The following ROBO1 variants were observed in gnomAD, a reference collection of about 807,000 sequenced individuals.
ROBO1 encodes roundabout homolog 1.
In ROBO1, 149 loss-of-function variants were observed where a neutral mutation model predicts 195.9. The ratio of observed to expected loss-of-function variants is 0.76; its 90% CI spans 0.67 to 0.87. ROBO1 has a LOEUF of 0.87. ROBO1 is among the 40% of genes least tolerant of loss of function. The pLI, the probability that ROBO1 is intolerant of heterozygous loss-of-function variation, is 0.00. For synonymous variants in ROBO1, 816 were observed against 733.2 expected, an observed-to-expected ratio of 1.11 and a Z score of -1.82; for missense variants, 1,933 against 2,068.3, an observed-to-expected ratio of 0.93 and a Z score of 1.27.
At chr3:79,606,489 G>T (rs1944489463) in intron 1 of ROBO1, among the ~76,000 whole-genome samples, 1 of 151,760 alleles carries the variant, frequency 6.6e-6, no homozygotes, top group African/African-American at 2.4e-5. Flanking sequence ...CCCTGCCCAG[G>T]CTGGACTCTG....
Position 78,606,734 on chromosome 3 carries a change from T to G in ROBO1, c.4743A>C (p.Gln1581His), listed in dbSNP as rs763500054. 16 of 1,613,298 alleles carry G rather than the reference T, an allele frequency of 9.9e-6. No homozygotes were observed. In the South Asian group the frequency reaches 1.8e-4, roughly 18 times the overall value. ...TTTGCTGCTTGATTGGATGAGTACC[T>G]TGGATGAGATGAGTCTTTGCTGGTG... is the stretch of plus-strand genomic sequence containing the variant. ...DLPPAKTHLI[Q>H]EDILPYCRPT... Residue 1581 changes from glutamine (Q) to histidine (H), a missense_variant and splice_region_variant, in exon 29 of 31, where the codon CAA becomes CAC. This residue lies in a region of ROBO1 where 1,737 missense variants were observed against 1,882.5 expected (regional missense o/e 0.92). Transcript: ENST00000464233.
At position 78,600,104 on chromosome 3, in the gene ROBO1, T is replaced by G; in HGVS notation, c.4941+9A>C. On this transcript the variant is annotated intron_variant, in intron 30 of 30. Transcript: ENST00000464233. Reference sequence around the variant, plus strand: ...AACATTGGTAAACTTGGGGAAAAATTATAGATACCTCTAATTCTTCATTAT... The same window carrying G: ...AACATTGGTAAACTTGGGGAAAAATGATAGATACCTCTAATTCTTCATTAT... 1 of 1,607,494 alleles carries G rather than the reference T, an allele frequency of 6.2e-7. No individual in the cohort carries two copies. The highest frequency in any genetic ancestry group is 8.5e-7 in the Non-Finnish European group (1 of 1,174,676).
intron 4 of ROBO1, among the ~76,000 whole-genome samples, chr3:78,899,685 A>T (rs562562275): frequency 2.6e-5 from 4 of 152,208 alleles, no homozygotes; most frequent in Non-Finnish European, 5.9e-5. Context: ...TTTAGATGGT[A>T]GGAAGAAGAA....
At chr3:79,006,025 C>T (rs2077611859) in intron 3 of ROBO1, among the ~76,000 whole-genome samples, 1 of 152,122 alleles carries the variant, frequency 6.6e-6, no homozygotes, top group African/African-American at 2.4e-5. Flanking sequence ...AATTCATATG[C>T]AACACAGTAG....
chr3:78,952,254 G>A (rs2040829929), intron 3 of ROBO1, among the ~76,000 whole-genome samples: 1 of 151,030 alleles, frequency 6.6e-6, no homozygotes, highest in Admixed American at 6.6e-5. Flanking sequence ...AAGCAGAAGA[G>A]GAACAAATTC....
At chr3:78,923,597 G>C (rs1332523993) in intron 4 of ROBO1, among the ~76,000 whole-genome samples, 1 of 152,084 alleles carries the variant, frequency 6.6e-6, no homozygotes, top group Non-Finnish European at 1.5e-5. Context: ...AGAAAGAAAT[G>C]ATGTGACTGG....
intron 2 of ROBO1, among the ~76,000 whole-genome samples, chr3:79,226,531 TTTTC>T (rs200148815): frequency 0.021 from 3,205 of 151,606 alleles, 91 homozygotes; most frequent in African/African-American, 0.069. Flanking sequence ...TTCATTTCAT[TTTTC>T]TTTCTTTCTT....
chr3:79,051,173 A>G (rs953338708), intron 3 of ROBO1, among the ~76,000 whole-genome samples: 1 of 152,180 alleles, frequency 6.6e-6, no homozygotes, highest in African/African-American at 2.4e-5. Context: ...AGACTAATAA[A>G]GAAGAAAAGA....
chr3:78,892,307 C>T (rs979655268), intron 4 of ROBO1, among the ~76,000 whole-genome samples: 2 of 152,166 alleles, frequency 1.3e-5, no homozygotes, highest in Admixed American at 6.5e-5. Context: ...AATTTTCCCA[C>T]CCCATCTGTG....
chr3:79,178,329 T>C (rs943761565), intron 2 of ROBO1, among the ~76,000 whole-genome samples: 1 of 152,248 alleles, frequency 6.6e-6, no homozygotes, highest in Non-Finnish European at 1.5e-5. Flanking sequence ...GAATTTATTC[T>C]GTAAAAGCCT....
chr3:78,836,044 C>T (rs975217629), intron 4 of ROBO1, among the ~76,000 whole-genome samples: 5 of 152,154 alleles, frequency 3.3e-5, no homozygotes, highest in Non-Finnish European at 7.4e-5. Context: ...TTGGACAATG[C>T]TGCCTAAATC....
At chr3:78,656,663 C>T (rs996152735) in intron 18 of ROBO1, among the ~76,000 whole-genome samples, 3 of 152,020 alleles carry the variant, frequency 2.0e-5, no homozygotes, top group African/African-American at 7.2e-5. Context: ...TTTGTTTGAT[C>T]TTAAATCCAA....
At chr3:79,664,576 C>A (rs1049998620) in intron 1 of ROBO1, among the ~76,000 whole-genome samples, 1 of 151,960 alleles carries the variant, frequency 6.6e-6, no homozygotes, top group African/African-American at 2.4e-5. Context: ...TTTTTCATAA[C>A]AAGGTAGCAT....
At chr3:79,288,037 T>G (rs911106889) in intron 2 of ROBO1, among the ~76,000 whole-genome samples, 2 of 152,140 alleles carry the variant, frequency 1.3e-5, no homozygotes, top group African/African-American at 4.8e-5. Context: ...TTCTTAAAGA[T>G]TCAGTTAACT....
chr3:79,354,623 A>G (rs2035472662), intron 2 of ROBO1, among the ~76,000 whole-genome samples: 1 of 152,154 alleles, frequency 6.6e-6, no homozygotes, highest in Non-Finnish European at 1.5e-5. Context: ...CAGGGCTCTC[A>G]GCACCACTGG....
chr3:79,261,491 A>G (rs568039322), intron 2 of ROBO1, among the ~76,000 whole-genome samples: 82 of 152,150 alleles, frequency 5.4e-4, no homozygotes, highest in East Asian at 2.1e-3. Context: ...TGTTGTATAT[A>G]TTCAGCATAA....
At chr3:79,031,699 T>C (rs1277611722) in intron 3 of ROBO1, among the ~76,000 whole-genome samples, 1 of 152,148 alleles carries the variant, frequency 6.6e-6, no homozygotes, top group African/African-American at 2.4e-5. Context: ...TGTAACGGAA[T>C]TAGCAATCAT....
At chr3:79,154,540 C>A (rs2080826656) in intron 2 of ROBO1, among the ~76,000 whole-genome samples, 2 of 151,656 alleles carry the variant, frequency 1.3e-5, no homozygotes, top group Admixed American at 1.3e-4. Context: ...CACATTTAAC[C>A]TTTGCAAATG....
chr3:79,287,365 C>T (rs1394754610), intron 2 of ROBO1, among the ~76,000 whole-genome samples: 29 of 152,116 alleles, frequency 1.9e-4, no homozygotes, highest in Admixed American at 1.8e-3. Flanking sequence ...ACAGATGGCA[C>T]AGGAGATGAA....
Sources: allele counts gnomAD v4.1 joint callset (sites outside exome capture counted in the v4.1 genomes callset), GRCh38; gene constraint gnomAD v4.1.1; regional missense constraint gnomAD v4.1.1; transcripts MANE v1.5; gene names NCBI Gene and HGNC (gene_info 2026-07-23, HGNC 2026-07-21).